Variants in KIF5A observed in about 807,000 individuals in gnomAD.
KIF5A encodes the protein kinesin family member 5A.
KIF5A carries 35 observed loss-of-function variants against 141.3 expected under a neutral mutation model. That is an observed-to-expected ratio of 0.25 (90% CI 0.19 to 0.33). The LOEUF (loss-of-function observed/expected upper bound fraction) is 0.33. KIF5A is among the 10% of genes least tolerant of loss of function. The pLI, the probability that KIF5A is intolerant of heterozygous loss-of-function variation, is 1.00. For missense variants in KIF5A, 861 were observed against 1,314.3 expected, an observed-to-expected ratio of 0.66 and a Z score of 5.33; for synonymous variants, 448 against 500.2, an observed-to-expected ratio of 0.90 and a Z score of 1.39.
intron 6 of KIF5A, among the ~76,000 whole-genome samples, chr12:57,565,377 C>G (rs147792242): frequency 6.6e-6 from 1 of 151,848 alleles, no homozygotes; most frequent in African/African-American, 2.4e-5. Flanking sequence ...GCCGAGATTG[C>G]GCCACTGCAC....
In KIF5A at chr12:57,564,379, A is replaced by C. The variant is rs1882000544; in HGVS notation, c.397-81A>C. The C allele has an allele frequency of 2.6e-6, 3 of 1,134,734 alleles. No homozygotes were observed. The East Asian group carries it at 7.0e-5, about 27-fold the overall frequency. 70.3% of individuals were successfully genotyped at this position (1,134,734 alleles called of 1,614,324 possible). ...CTTTTCCTCCCACCACCGTTTGAGCAGGTCACATTAGTATGGGATTCCTGA... is the reference window on the plus strand; with the variant it reads ...CTTTTCCTCCCACCACCGTTTGAGCCGGTCACATTAGTATGGGATTCCTGA... On this transcript the variant is annotated intron_variant, in intron 4 of 28. Transcript: ENST00000455537.
intron 1 of KIF5A, among the ~76,000 whole-genome samples, chr12:57,556,390 G>T (rs1374880371): frequency 2.0e-5 from 3 of 151,824 alleles, no homozygotes; most frequent in Non-Finnish European, 4.4e-5. Flanking sequence ...CACCCGCCTC[G>T]GCCTCCCAAA....
intron 21 of KIF5A, 81 bp downstream of exon 21, chr12:57,577,854 C>T: frequency 7.5e-7 from 1 of 1,334,564 alleles, no homozygotes. Flanking sequence ...ATTCCTCCTG[C>T]CCTTTTGCAG....
intron 15 of KIF5A, among the ~76,000 whole-genome samples, chr12:57,573,044 AGCCAGGCGT>A (rs1882305968): frequency 6.6e-6 from 1 of 152,200 alleles, no homozygotes; most frequent in Admixed American, 6.5e-5. Context: ...TACAAAAATT[AGCCAGGCGT>A]GGTGATGTGC....
At chr12:57,570,588 G>A (rs938497682) in intron 12 of KIF5A, among the ~76,000 whole-genome samples, 6 of 152,036 alleles carry the variant, frequency 3.9e-5, no homozygotes, top group South Asian at 2.1e-4. Flanking sequence ...TGGTAGAAAC[G>A]GGGTTTCACC....
intron 10 of KIF5A, 57 bp downstream of exon 10, chr12:57,569,461 T>C (rs1268151542): frequency 6.2e-7 from 1 of 1,613,472 alleles, no homozygotes; most frequent in Non-Finnish European, 8.5e-7. Context: ...TCCCAGCCTC[T>C]GCGGCTCTCT....
chr12:57,577,059 G>T (rs543564861), intron 20 of KIF5A, among the ~76,000 whole-genome samples, 197 bp downstream of exon 20: 42 of 152,250 alleles, frequency 2.8e-4, no homozygotes, highest in African/African-American at 9.9e-4. Context: ...ATGGAAGGAG[G>T]TTTACGTGTT....
intron 20 of KIF5A, among the ~76,000 whole-genome samples, chr12:57,577,172 C>T (rs1383257624): frequency 6.6e-6 from 1 of 152,192 alleles, no homozygotes; most frequent in Non-Finnish European, 1.5e-5. Flanking sequence ...GAAAGGTGGA[C>T]ACCAGAAGGT....
At chr12:57,565,910 C>A (rs562793582) in intron 6 of KIF5A, among the ~76,000 whole-genome samples, 1 of 151,188 alleles carries the variant, frequency 6.6e-6, no homozygotes, top group South Asian at 2.1e-4. Context: ...CAGGCATGAG[C>A]CACTATGCTG....
chr12:57,551,872 GTCTCTCTCTC>G (rs57562029), intron 1 of KIF5A, among the ~76,000 whole-genome samples: 91 of 145,838 alleles, frequency 6.2e-4, no homozygotes, highest in Middle Eastern at 3.5e-3. Context: ...GATGCTTTTG[GTCTCTCTCTC>G]TCTCTCTCTC....
At chr12:57,560,089 A>G (rs1594910283) in intron 1 of KIF5A, among the ~76,000 whole-genome samples, 1 of 152,118 alleles carries the variant, frequency 6.6e-6, no homozygotes, top group East Asian at 1.9e-4. Context: ...ACATGGTTTC[A>G]CCATGTTGGC....
intron 8 of KIF5A, 35 bp downstream of exon 8, chr12:57,567,653 C>T (rs752831243): frequency 5.8e-6 from 9 of 1,560,012 alleles, no homozygotes; most frequent in South Asian, 2.4e-5. Flanking sequence ...TGGGTGGAAG[C>T]CTTGGCTCTT....
At chr12:57,561,483 C>A (rs1424267221) in intron 1 of KIF5A, among the ~76,000 whole-genome samples, 1 of 152,110 alleles carries the variant, frequency 6.6e-6, no homozygotes, top group Non-Finnish European at 1.5e-5. Context: ...TTTCTAACTT[C>A]TTTTCCTTTG....
rs747055795 is a variant in KIF5A at position 57,577,702 on chromosome 12, T to C, written c.2301-11T>C. 59 of 1,611,878 alleles carry C rather than the reference T, an allele frequency of 3.7e-5. No individual in the cohort carries two copies. The highest frequency in any genetic ancestry group is 4.4e-5 in the Non-Finnish European group (52 of 1,178,068). ...GGGATCTTTCCATTTCCCTTATTTC[T>C]CTTGCTACAGATTTCTGTACGAGCG... is the stretch of plus-strand genomic sequence containing the variant. On this transcript the variant is annotated splice_polypyrimidine_tract_variant and intron_variant, in intron 20 of 28. Coordinates refer to ENST00000455537, the MANE Select transcript of KIF5A (RefSeq NM_004984.4).
chr12:57,569,876 T>TAG, intron 11 of KIF5A, 111 bp from the exon 12 acceptor site: 1 of 1,420,702 alleles, frequency 7.0e-7, no homozygotes, highest in East Asian at 2.4e-5. Flanking sequence ...TCCCAAAAGG[T>TAG]AGAGGGTCCA....
Position 57,578,091 on chromosome 12 carries a change from T to C in KIF5A, c.2433+11T>C, listed in dbSNP as rs1365057402. 1 of 1,612,594 alleles carries C rather than the reference T, an allele frequency of 6.2e-7. No individual in the cohort carries two copies. Among genetic ancestry groups the C allele is most frequent in the East Asian group, 2.2e-5 (1 of 44,864 alleles). ...ACTCGAGTCAAGAAAGTGAGTGCTG[T>C]CCTTGGGGTTTTGTCAGCCCCCACA... is the stretch of plus-strand genomic sequence containing the variant. On this transcript the variant is annotated intron_variant, in intron 22 of 28. Coordinates refer to ENST00000455537, the MANE Select transcript of KIF5A (RefSeq NM_004984.4).
rs1882178717 is a variant in KIF5A, at chr12:57,569,525, C to T, written c.969-10C>T. ...GCTCTCATTTCTTTGTTCCTCTTCT[C>T]CTCACCCAGGGCAAAGACCATTAAG... On this transcript the variant is annotated splice_polypyrimidine_tract_variant and intron_variant, in intron 10 of 28. Transcript: ENST00000455537. The T allele has an allele frequency of 6.2e-7, 1 of 1,614,102 alleles. No homozygotes were observed. Among genetic ancestry groups the T allele is most frequent in the Non-Finnish European group, 8.5e-7 (1 of 1,180,028 alleles).
chr12:57,576,253 G>GT lies in KIF5A; in HGVS notation c.2089-15dup. ...TGGGAGTCTGGCCTTTGAGCTTGGG[G>GT]TGGGGTTGTTTGCAGAAGGCTCTGG... On this transcript the variant is annotated splice_polypyrimidine_tract_variant and intron_variant, in intron 18 of 28. Transcript: ENST00000455537. The GT allele has an allele frequency of 1.2e-6, 2 of 1,613,688 alleles. No individual in the cohort carries two copies. Among genetic ancestry groups the GT allele is most frequent in the African/African-American group, 2.7e-5 (2 of 75,050 alleles).
intron 27 of KIF5A, 89 bp downstream of exon 27, chr12:57,582,718 G>T: frequency 9.2e-7 from 1 of 1,084,764 alleles, no homozygotes. Flanking sequence ...GAGGTTCCTG[G>T]AGCCTTTGGG....
Sources: allele counts gnomAD v4.1 joint callset (sites outside exome capture counted in the v4.1 genomes callset), GRCh38; gene constraint gnomAD v4.1.1; transcripts MANE v1.5; gene names NCBI Gene and HGNC (gene_info 2026-07-23, HGNC 2026-07-21).